Variants in CACNA2D1 observed in about 807,000 individuals in gnomAD.
CACNA2D1 encodes voltage-dependent calcium channel subunit alpha-2/delta-1.
In CACNA2D1, 53 loss-of-function variants were observed where a neutral mutation model predicts 171.5. That is an observed-to-expected ratio of 0.31 (90% CI 0.25 to 0.39). The LOEUF (loss-of-function observed/expected upper bound fraction) is 0.39. CACNA2D1 is among the 10% of genes least tolerant of loss of function. The pLI, the probability that CACNA2D1 is intolerant of heterozygous loss-of-function variation, is 1.00. For missense variants in CACNA2D1, 903 were observed against 1,299.8 expected, an observed-to-expected ratio of 0.69 and a Z score of 4.69; for synonymous variants, 442 against 443.1, an observed-to-expected ratio of 1.00 and a Z score of 0.03.
Position 81,964,365 on chromosome 7 carries a change from G to A in CACNA2D1, c.2575-6C>T. Reference sequence around the variant, plus strand: ...TCTCCAAAAAATCTTCCAATCTGGTGAAGAAAAAAATCATAAAGCAACGTG... The same window carrying A: ...TCTCCAAAAAATCTTCCAATCTGGTAAAGAAAAAAATCATAAAGCAACGTG... On this transcript the variant is annotated splice_region_variant and splice_polypyrimidine_tract_variant and intron_variant, in intron 32 of 38. Transcript: ENST00000356860. 1 of 1,610,304 alleles carries A rather than the reference G, an allele frequency of 6.2e-7. No individual in the cohort carries two copies. Among genetic ancestry groups the A allele is most frequent in the Non-Finnish European group, 8.5e-7 (1 of 1,177,872 alleles).
intron 10 of CACNA2D1, among the ~76,000 whole-genome samples, chr7:82,042,515 T>G (rs186164478): frequency 6.6e-6 from 1 of 152,236 alleles, no homozygotes; most frequent in East Asian, 1.9e-4. Context: ...CAAACTAACA[T>G]CACATTGATT....
intron 38 of CACNA2D1, among the ~76,000 whole-genome samples, chr7:81,955,960 CTATATATA>C (rs764892530): frequency 8.4e-4 from 55 of 65,842 alleles, no homozygotes; most frequent in Middle Eastern, 0.012. Flanking sequence ...GTCACTGTTG[CTATATATA>C]TATATATATA....
chr7:81,973,862 A>G (rs746038322), intron 25 of CACNA2D1, among the ~76,000 whole-genome samples: 6 of 152,142 alleles, frequency 3.9e-5, no homozygotes, highest in Non-Finnish European at 7.4e-5. Flanking sequence ...AATTTACCTG[A>G]AAGACAAATA....
intron 3 of CACNA2D1, among the ~76,000 whole-genome samples, chr7:82,263,432 T>C (rs1194545156): frequency 6.6e-6 from 1 of 152,110 alleles, no homozygotes; most frequent in Non-Finnish European, 1.5e-5. Context: ...TGAATAAATT[T>C]GTTATGCTTT....
At chr7:82,026,052 T>G (rs1801865128) in intron 12 of CACNA2D1, among the ~76,000 whole-genome samples, 2 of 151,570 alleles carry the variant, frequency 1.3e-5, no homozygotes, top group African/African-American at 4.8e-5. Context: ...TGTCAGTTTT[T>G]TTTTTTTTTT....
intron 6 of CACNA2D1, among the ~76,000 whole-genome samples, chr7:82,098,062 C>T (rs945619311): frequency 6.6e-6 from 1 of 151,794 alleles, no homozygotes; most frequent in African/African-American, 2.4e-5. Flanking sequence ...TGCAGTGAGC[C>T]GAGGTTGCAA....
chr7:82,314,160 T>C (rs1224486560), intron 3 of CACNA2D1, among the ~76,000 whole-genome samples: 2 of 152,218 alleles, frequency 1.3e-5, no homozygotes, highest in Admixed American at 1.3e-4. Context: ...CAAAGGTTGC[T>C]AGGGTAGATA....
intron 24 of CACNA2D1, among the ~76,000 whole-genome samples, chr7:81,977,629 T>TA (rs1394827364): frequency 6.6e-6 from 1 of 152,012 alleles, no homozygotes; most frequent in Non-Finnish European, 1.5e-5. Flanking sequence ...CCTAAAACCA[T>TA]AAAAACCCTA....
intron 19 of CACNA2D1, among the ~76,000 whole-genome samples, chr7:81,995,404 A>G (rs1267921042): frequency 6.6e-6 from 1 of 152,198 alleles, no homozygotes; most frequent in East Asian, 1.9e-4. Flanking sequence ...TCTGGGTACC[A>G]AAAAAATCTA....
intron 10 of CACNA2D1, among the ~76,000 whole-genome samples, chr7:82,045,049 C>G (rs1162249697): frequency 1.3e-5 from 2 of 151,998 alleles, no homozygotes; most frequent in Admixed American, 6.6e-5. Context: ...TGTGACTTAG[C>G]TGCATTTTTG....
intron 7 of CACNA2D1, among the ~76,000 whole-genome samples, chr7:82,077,149 C>T (rs1056198398): frequency 1.3e-5 from 2 of 152,106 alleles, no homozygotes; most frequent in South Asian, 4.1e-4. Flanking sequence ...TTCTAAAAGG[C>T]AGAAACAACT....
chr7:82,244,262 G>C (rs1804653957), intron 3 of CACNA2D1, among the ~76,000 whole-genome samples: 1 of 151,860 alleles, frequency 6.6e-6, no homozygotes, highest in Non-Finnish European at 1.5e-5. Flanking sequence ...CAGCTTTTAA[G>C]TTCAAATCCT....
intron 3 of CACNA2D1, among the ~76,000 whole-genome samples, chr7:82,301,882 C>G (rs1032216435): frequency 6.6e-6 from 1 of 151,762 alleles, no homozygotes; most frequent in African/African-American, 2.4e-5. Context: ...CTCAGCCTCC[C>G]GAGTAGCTGG....
chr7:81,955,392 T>A (rs1406629473), intron 38 of CACNA2D1, among the ~76,000 whole-genome samples: 1 of 152,158 alleles, frequency 6.6e-6, no homozygotes, highest in East Asian at 1.9e-4. Flanking sequence ...TTTCAGTATT[T>A]TTTGTAATGA....
chr7:82,110,793 G>T (rs573164809), intron 6 of CACNA2D1, among the ~76,000 whole-genome samples: 1 of 152,116 alleles, frequency 6.6e-6, no homozygotes, highest in Non-Finnish European at 1.5e-5. Context: ...TAGCCACAAG[G>T]CCTTCTCTAT....
At chr7:82,168,988 A>G (rs1196349897) in intron 4 of CACNA2D1, among the ~76,000 whole-genome samples, 1 of 152,110 alleles carries the variant, frequency 6.6e-6, no homozygotes, top group African/African-American at 2.4e-5. Context: ...GGCAGAATAC[A>G]TGATCTAGCC....
At chr7:82,032,227 A>G (rs987488047) in intron 12 of CACNA2D1, among the ~76,000 whole-genome samples, 1 of 151,970 alleles carries the variant, frequency 6.6e-6, no homozygotes, top group African/African-American at 2.4e-5. Context: ...TAATCTTCAC[A>G]GTCTTCATTT....
intron 6 of CACNA2D1, among the ~76,000 whole-genome samples, chr7:82,110,312 A>T (rs1281090518): frequency 1.3e-5 from 2 of 152,114 alleles, no homozygotes; most frequent in Non-Finnish European, 2.9e-5. Context: ...ATGAGTGTGG[A>T]GCACCTACAA....
At chr7:82,131,276 C>G (rs77492902) in intron 5 of CACNA2D1, among the ~76,000 whole-genome samples, 12,538 of 152,226 alleles carry the variant, frequency 0.082, 640 homozygotes, top group South Asian at 0.15. Context: ...CAATCACAGG[C>G]TGCCCACTGA....
Sources: gnomAD v4.1 joint callset for allele counts (sites outside exome capture counted in the v4.1 genomes callset) on GRCh38, gnomAD v4.1.1 for gene constraint, MANE v1.5 for transcripts, NCBI Gene and HGNC (gene_info 2026-07-23, HGNC 2026-07-21) for gene names.